The following SRBD1 variants were observed in gnomAD, a reference collection of about 807,000 sequenced individuals.
SRBD1 encodes the protein S1 RNA-binding domain-containing protein 1.
Under a neutral mutation model 115.3 loss-of-function variants are expected in SRBD1, and 88 were observed. That is an observed-to-expected ratio of 0.76 (90% CI 0.64 to 0.91). SRBD1 has a LOEUF of 0.91. Ranked by LOEUF, SRBD1 falls within the 40% of genes least tolerant of loss-of-function variation. The pLI, the probability that SRBD1 is intolerant of heterozygous loss-of-function variation, is 0.00. For missense variants in SRBD1, 1,385 were observed against 1,177.4 expected, an observed-to-expected ratio of 1.18 and a Z score of -2.58; for synonymous variants, 509 against 407.7, an observed-to-expected ratio of 1.25 and a Z score of -2.99.
At chr2:45,518,264 T>C (rs1012620088) in intron 14 of SRBD1, among the ~76,000 whole-genome samples, 4 of 152,166 alleles carry the variant, frequency 2.6e-5, no homozygotes, top group Non-Finnish European at 4.4e-5. Flanking sequence ...ATATCCAAAT[T>C]TATGTGGAAA....
intron 15 of SRBD1, among the ~76,000 whole-genome samples, chr2:45,480,302 A>C (rs1572686573): frequency 1.3e-5 from 2 of 152,174 alleles, no homozygotes; most frequent in African/African-American, 4.8e-5. Context: ...GATTTCTCTG[A>C]GGATCTGGGC....
At chr2:45,504,516 T>C (rs937190706) in intron 14 of SRBD1, among the ~76,000 whole-genome samples, 1 of 152,066 alleles carries the variant, frequency 6.6e-6, no homozygotes, top group South Asian at 2.1e-4. Flanking sequence ...ACAGAGGAAA[T>C]AGTTTACTCA....
At chr2:45,535,721 G>GC (rs1445352798) in intron 14 of SRBD1, among the ~76,000 whole-genome samples, 3 of 151,782 alleles carry the variant, frequency 2.0e-5, no homozygotes. Context: ...CATCTTTTCA[G>GC]CCCCCCAAAT....
At chr2:45,548,993 C>G (rs1243371928) in intron 12 of SRBD1, 1 of 152,174 alleles carries the variant, frequency 6.6e-6, no homozygotes, top group East Asian at 1.9e-4. Context: ...AAGGCTACTT[C>G]CCTGGAAATC....
In SRBD1 at chr2:45,548,170, T is replaced by C. The variant is rs77153800; in HGVS notation, c.1676-558A>G. Reference sequence around the variant, plus strand: ...AAAGAATAAAACTGAGCTAAGAGACTAACTTACAAGTTAGGAAAAGAACAG... The same window carrying C: ...AAAGAATAAAACTGAGCTAAGAGACCAACTTACAAGTTAGGAAAAGAACAG... On this transcript the variant is annotated intron_variant, in intron 12 of 20. Coordinates refer to ENST00000263736, the MANE Select transcript of SRBD1 (RefSeq NM_018079.5). Among the ~76,000 whole-genome samples the C allele has an allele frequency of 3.7e-3, 559 of 150,858 alleles. 11 individuals are homozygous for C. The highest frequency in any genetic ancestry group is 0.013 in the African/African-American group (532 of 40,490).
At chr2:45,407,727 AG>A (rs1405478812) in intron 19 of SRBD1, among the ~76,000 whole-genome samples, 1 of 152,184 alleles carries the variant, frequency 6.6e-6, no homozygotes, top group Non-Finnish European at 1.5e-5. Flanking sequence ...AACCAGAAAA[AG>A]TTTTAGTTCA....
At chr2:45,426,051 G>A (rs552991789) in intron 16 of SRBD1, among the ~76,000 whole-genome samples, 28 of 152,250 alleles carry the variant, frequency 1.8e-4, no homozygotes, top group African/African-American at 6.3e-4. Flanking sequence ...AAGTGGTCTA[G>A]CTCAGCAGAT....
At chr2:45,579,102 C>T (rs932916863) in intron 7 of SRBD1, among the ~76,000 whole-genome samples, 1 of 152,136 alleles carries the variant, frequency 6.6e-6, no homozygotes, top group Non-Finnish European at 1.5e-5. Flanking sequence ...CACTCTTAAC[C>T]AAAGTTGTCA....
At chr2:45,453,088 G>T (rs1042950307) in intron 16 of SRBD1, among the ~76,000 whole-genome samples, 1 of 151,786 alleles carries the variant, frequency 6.6e-6, no homozygotes, top group Non-Finnish European at 1.5e-5. Context: ...AAGAATTCTA[G>T]CAGGGCCCAG....
At chr2:45,496,099 G>A (rs1349873805) in intron 14 of SRBD1, among the ~76,000 whole-genome samples, 1 of 152,192 alleles carries the variant, frequency 6.6e-6, no homozygotes, top group East Asian at 1.9e-4. Context: ...GCTGCACAGA[G>A]AATTGTGAAG....
intron 9 of SRBD1, among the ~76,000 whole-genome samples, chr2:45,568,283 C>T (rs568203494): frequency 6.6e-6 from 1 of 152,312 alleles, no homozygotes; most frequent in Admixed American, 6.5e-5. Flanking sequence ...GCTATTCCCA[C>T]AGTACTTGGA....
intron 16 of SRBD1, among the ~76,000 whole-genome samples, chr2:45,475,846 G>A (rs952512657): frequency 1.3e-5 from 2 of 152,108 alleles, no homozygotes; most frequent in African/African-American, 2.4e-5. Context: ...CTACAGGTGC[G>A]CGCCACCATA....
At chr2:45,526,131 T>A (rs901783676) in intron 14 of SRBD1, among the ~76,000 whole-genome samples, 1 of 152,000 alleles carries the variant, frequency 6.6e-6, no homozygotes, top group African/African-American at 2.4e-5. Flanking sequence ...AGCCCATATG[T>A]CCACACCAAA....
In SRBD1 at chr2:45,585,670, C is replaced by G. The variant is rs758321520; in HGVS notation, c.753G>C (p.Glu251Asp). 5 of 1,612,494 alleles carry G rather than the reference C, an allele frequency of 3.1e-6. No homozygotes were observed. Among genetic ancestry groups the G allele is most frequent in the Non-Finnish European group, 4.2e-6 (5 of 1,179,596 alleles). Residue 251 changes from glutamate to aspartate, a missense_variant, in exon 5 of 21, where the codon GAG becomes GAC. By Grantham distance (45) the Glu-to-Asp change is conservative. Transcript: ENST00000263736. Reference sequence around the variant, plus strand: ...AATCAGCATCAAGGTTATTAATGAGCTCTTTTCTATAACGTATAATGAAGG... The same window carrying G: ...AATCAGCATCAAGGTTATTAATGAGGTCTTTTCTATAACGTATAATGAAGG... The part of the protein sequence containing the change: ...TIPFIIRYRK[E>D]LINNLDADSL...
At chr2:45,522,519 T>A (rs1671317983) in intron 14 of SRBD1, among the ~76,000 whole-genome samples, 1 of 152,174 alleles carries the variant, frequency 6.6e-6, no homozygotes, top group Admixed American at 6.5e-5. Flanking sequence ...AAAGGAAAGC[T>A]CACTGGAGCA....
At chr2:45,392,723 AC>A (rs1446527965) in intron 20 of SRBD1, among the ~76,000 whole-genome samples, 11 of 152,250 alleles carry the variant, frequency 7.2e-5, no homozygotes, top group African/African-American at 2.7e-4. Context: ...TGGGAAATAC[AC>A]AGTGAACAAG....
chr2:45,521,975 A>C (rs968230551), intron 14 of SRBD1, among the ~76,000 whole-genome samples: 1 of 151,924 alleles, frequency 6.6e-6, no homozygotes, highest in East Asian at 1.9e-4. Context: ...CTCCCAAAAA[A>C]AGAAAGAAAG....
Position 45,553,798 on chromosome 2 carries a change from AAAG to A in SRBD1, c.1410-71_1410-69del, listed in dbSNP as rs1279330871. On this transcript the variant is annotated intron_variant, in intron 10 of 20. Transcript: ENST00000263736. ...AATAAGGCCATAAAAAGGCTCCCAA[AAAG>A]AAGGGAGATGGAATACAGAAGCGGG... 1.1e-5 allele frequency: 11 copies of A among 995,164 alleles called. No individual in the cohort carries two copies. The South Asian group carries it at 2.1e-4, about 19-fold the overall frequency. The allele number at this position is 995,164 out of a possible 1,614,324, so 61.6% of individuals were successfully genotyped here. A position where few individuals can be genotyped will look rare whatever the true frequency, so the allele number is the denominator to read the frequency against.
intron 16 of SRBD1, among the ~76,000 whole-genome samples, chr2:45,474,702 G>T (rs1260699943): frequency 6.6e-6 from 1 of 152,176 alleles, no homozygotes; most frequent in African/African-American, 2.4e-5. Context: ...ATCTGTATAT[G>T]TTTTGAACTG....
Sources: gnomAD v4.1 joint callset for allele counts (sites outside exome capture counted in the v4.1 genomes callset) on GRCh38, gnomAD v4.1.1 for gene constraint, MANE v1.5 for transcripts, NCBI Gene and HGNC (gene_info 2026-07-23, HGNC 2026-07-21) for gene names.